Variants in SLIT2 observed in about 807,000 individuals in gnomAD.
The protein encoded by SLIT2 is slit guidance ligand 2.
SLIT2 carries 41 observed loss-of-function variants against 185.7 expected under a neutral mutation model. That is an observed-to-expected ratio of 0.22 (90% CI 0.17 to 0.29). The LOEUF is 0.29. SLIT2 is among the 10% of genes least tolerant of loss of function. The pLI, the probability that SLIT2 is intolerant of heterozygous loss-of-function variation, is 1.00. For synonymous variants in SLIT2, 693 were observed against 680.2 expected (o/e 1.02, Z -0.29); for missense variants, 1,571 against 1,909.0 (o/e 0.82, Z 3.30).
intron 29 of SLIT2, among the ~76,000 whole-genome samples, chr4:20,582,434 C>T (rs1257242111): frequency 1.3e-5 from 2 of 152,180 alleles, no homozygotes; most frequent in Admixed American, 1.3e-4. Context: ...GCGGGTGATA[C>T]GTTCCAAGAC....
rs540218453 is a variant in SLIT2, at chr4:20,383,608, C to T, written c.396-84144C>T. Among the ~76,000 whole-genome samples the T allele has an allele frequency of 3.9e-5, 6 of 152,308 alleles. No individual in the cohort carries two copies. In the South Asian group the frequency reaches 1.2e-3, roughly 32 times the overall value. ...TGAAACAACTGGAACTCTCACATAT[C>T]ACTAAGGGGAGTGCAAAAATGGTTC... is the stretch of plus-strand genomic sequence containing the variant. On this transcript the variant is annotated intron_variant, in intron 4 of 36. Coordinates refer to ENST00000504154, the MANE Select transcript of SLIT2 (RefSeq NM_004787.4).
chr4:20,312,237 A>G (rs1227815366), intron 4 of SLIT2, among the ~76,000 whole-genome samples: 1 of 152,200 alleles, frequency 6.6e-6, no homozygotes, highest in Non-Finnish European at 1.5e-5. Context: ...GAGTTACTCA[A>G]CCAACTCAAC....
intron 1 of SLIT2, chr4:20,255,158 G>T (rs942646762): frequency 2.4e-6 from 1 of 408,942 alleles, no homozygotes; most frequent in African/African-American, 2.1e-5. Flanking sequence ...AGCGCGTCTG[G>T]ATTCGTCCCG....
At chr4:20,337,948 G>A (rs1461521199) in intron 4 of SLIT2, among the ~76,000 whole-genome samples, 1 of 152,024 alleles carries the variant, frequency 6.6e-6, no homozygotes, top group East Asian at 1.9e-4. Flanking sequence ...AAAACCCTAA[G>A]TTCACAGCAA....
intron 1 of SLIT2, among the ~76,000 whole-genome samples, chr4:20,255,872 A>C (rs1056462622): frequency 6.6e-6 from 1 of 152,206 alleles, no homozygotes; most frequent in African/African-American, 2.4e-5. Context: ...TACTTCTATG[A>C]AGAGCATTCA....
chr4:20,431,596 C>G (rs1728984146), intron 4 of SLIT2, among the ~76,000 whole-genome samples: 1 of 152,080 alleles, frequency 6.6e-6, no homozygotes, highest in Admixed American at 6.5e-5. Context: ...TTAAAGTTCC[C>G]TCAGTAATAG....
chr4:20,605,497 T>A (rs934329731), intron 33 of SLIT2, among the ~76,000 whole-genome samples: 2 of 152,090 alleles, frequency 1.3e-5, no homozygotes, highest in African/African-American at 4.8e-5. Flanking sequence ...AGTGGTTCGC[T>A]TGTAGTTTTT....
At chr4:20,328,252 A>G (rs1053510591) in intron 4 of SLIT2, among the ~76,000 whole-genome samples, 8 of 152,118 alleles carry the variant, frequency 5.3e-5, no homozygotes, top group African/African-American at 1.9e-4. Flanking sequence ...TATTCAAACA[A>G]GTAATTTGAT....
chr4:20,347,137 A>G (rs1721482086), intron 4 of SLIT2, among the ~76,000 whole-genome samples: 1 of 152,246 alleles, frequency 6.6e-6, no homozygotes, highest in South Asian at 2.1e-4. Context: ...AGCCAGATGG[A>G]AGATGGTAAA....
intron 4 of SLIT2, among the ~76,000 whole-genome samples, chr4:20,412,784 A>G (rs910637269): frequency 7.2e-5 from 11 of 152,206 alleles, no homozygotes; most frequent in African/African-American, 2.6e-4. Context: ...ACTATTTTCC[A>G]TAACCCCAAA....
chr4:20,580,152 T>A (rs1726433679), intron 29 of SLIT2, among the ~76,000 whole-genome samples: 1 of 149,496 alleles, frequency 6.7e-6, no homozygotes, highest in Non-Finnish European at 1.5e-5. Flanking sequence ...CCTCCGCCTC[T>A]CAGGTTCAAG....
chr4:20,548,445 T>A (rs557622213), intron 22 of SLIT2, 43 bp from the exon 23 acceptor site: 1 of 983,380 alleles, frequency 1.0e-6, no homozygotes, highest in South Asian at 1.3e-5. Flanking sequence ...AATATTTTCA[T>A]TTCTGTGGTT....
At chr4:20,583,324 T>C (rs746896749) in intron 29 of SLIT2, among the ~76,000 whole-genome samples, 79 of 152,284 alleles carry the variant, frequency 5.2e-4, no homozygotes, top group Non-Finnish European at 1.0e-3. Flanking sequence ...ATTTGCTGTT[T>C]TAATTATTTG....
chr4:20,579,253 T>C (rs910094711), intron 29 of SLIT2, among the ~76,000 whole-genome samples: 3 of 151,216 alleles, frequency 2.0e-5, no homozygotes, highest in African/African-American at 7.3e-5. Context: ...GAGCTGAGAT[T>C]GCACCACTGC....
At chr4:20,583,829 T>A (rs867341654) in intron 29 of SLIT2, among the ~76,000 whole-genome samples, 8 of 151,232 alleles carry the variant, frequency 5.3e-5, no homozygotes, top group Admixed American at 2.6e-4. Context: ...ATAATAATAA[T>A]AAAAATAAAA....
chr4:20,465,836 A>C (rs753807987), intron 4 of SLIT2, among the ~76,000 whole-genome samples: 1 of 152,108 alleles, frequency 6.6e-6, no homozygotes, highest in Non-Finnish European at 1.5e-5. Context: ...ACTGAGCAGA[A>C]CTGAGGTTAT....
chr4:20,502,035 C>T (rs1043513888), intron 9 of SLIT2, among the ~76,000 whole-genome samples: 2 of 152,214 alleles, frequency 1.3e-5, no homozygotes, highest in Admixed American at 1.3e-4. Flanking sequence ...AGGTAACATA[C>T]ATGTTATACA....
intron 33 of SLIT2, among the ~76,000 whole-genome samples, chr4:20,598,792 T>G (rs549833680): frequency 9.2e-5 from 14 of 152,308 alleles, no homozygotes; most frequent in African/African-American, 3.4e-4. Context: ...CAGTAAGTTC[T>G]CAAGGAAACA....
chr4:20,417,513 T>A (rs1298249821), intron 4 of SLIT2, among the ~76,000 whole-genome samples: 1 of 148,720 alleles, frequency 6.7e-6, no homozygotes, highest in African/African-American at 2.5e-5. Flanking sequence ...TATATAGATA[T>A]GTGTGTGTGT....
Sources: allele counts gnomAD v4.1 joint callset (sites outside exome capture counted in the v4.1 genomes callset), GRCh38; gene constraint gnomAD v4.1.1; transcripts MANE v1.5; gene names NCBI Gene and HGNC (gene_info 2026-07-23, HGNC 2026-07-21).